Variants in IFT52 observed in about 807,000 individuals in gnomAD.
The protein encoded by IFT52 is intraflagellar transport 52.
A neutral mutation model predicts 54.4 loss-of-function variants in IFT52; 44 were observed. That is an observed-to-expected ratio of 0.81 (90% confidence interval 0.63 to 1.04). IFT52 has a LOEUF of 1.04. IFT52 is among the 50% of genes least tolerant of loss of function. IFT52 has a pLI of 0.00. For synonymous variants in IFT52, 181 were observed against 185.3 expected, an observed-to-expected ratio of 0.98 and a Z score of 0.19; for missense variants, 452 against 523.6, an observed-to-expected ratio of 0.86 and a Z score of 1.33.
intron 7 of IFT52, among the ~76,000 whole-genome samples, 165 bp from the exon 8 acceptor site, chr20:43,618,775 G>T (rs114926423): frequency 2.0e-5 from 3 of 152,012 alleles, no homozygotes; most frequent in Non-Finnish European, 2.9e-5. Context: ...GATCCACTGC[G>T]CCTGGCCTAT....
Position 43,635,037 on chromosome 20 carries a change from G to A in IFT52, c.924-889G>A, listed in dbSNP as rs572616880. Among the ~76,000 whole-genome samples the A allele has an allele frequency of 1.7e-4, 26 of 152,010 alleles. No homozygotes were observed. In the East Asian group the frequency reaches 3.9e-3, roughly 23 times the overall value. ...ACAAAAATTAGCTGGGTGTGGTGGCGCGTGCCTGTAATCCCAGCTACTTGG... is the reference window on the plus strand; with the variant it reads ...ACAAAAATTAGCTGGGTGTGGTGGCACGTGCCTGTAATCCCAGCTACTTGG... On this transcript the variant is annotated intron_variant, in intron 10 of 13. Coordinates refer to ENST00000373030, the MANE Select transcript of IFT52 (RefSeq NM_016004.5).
chr20:43,622,442 C>CA (rs11476747), intron 9 of IFT52, among the ~76,000 whole-genome samples: 79 of 148,374 alleles, frequency 5.3e-4, no homozygotes, highest in Non-Finnish European at 6.6e-4. Flanking sequence ...ACTAAAAATA[C>CA]AAAAAAAAAA....
chr20:43,627,874 C>T (rs1446658411), intron 10 of IFT52, among the ~76,000 whole-genome samples: 5 of 140,086 alleles, frequency 3.6e-5, no homozygotes, highest in African/African-American at 8.0e-5. Flanking sequence ...GCCTGGCCTT[C>T]GCTTTTATTT....
intron 6 of IFT52, among the ~76,000 whole-genome samples, chr20:43,612,767 CT>C (rs1435085157): frequency 2.6e-5 from 4 of 152,086 alleles, no homozygotes; most frequent in Non-Finnish European, 4.4e-5. Flanking sequence ...TTTTTGTTGT[CT>C]AAAGAAAAAG....
intron 10 of IFT52, among the ~76,000 whole-genome samples, chr20:43,630,439 C>A (rs1985078466): frequency 6.6e-6 from 1 of 152,128 alleles, no homozygotes; most frequent in South Asian, 2.1e-4. Context: ...ACAGCAGAGG[C>A]CAGTAGTTAC....
intron 10 of IFT52, among the ~76,000 whole-genome samples, chr20:43,633,794 G>A (rs944591169): frequency 1.3e-5 from 2 of 152,106 alleles, no homozygotes; most frequent in Non-Finnish European, 2.9e-5. Flanking sequence ...TGAAGTAGCT[G>A]TAAAGAATGA....
intron 3 of IFT52, among the ~76,000 whole-genome samples, chr20:43,598,313 G>A (rs555359534): frequency 2.6e-5 from 4 of 152,258 alleles, no homozygotes; most frequent in Middle Eastern, 3.4e-3. Flanking sequence ...GGAATGGAGC[G>A]TTGCTGCTTA....
intron 10 of IFT52, among the ~76,000 whole-genome samples, chr20:43,629,019 A>G (rs1470889034): frequency 6.6e-6 from 1 of 152,130 alleles, no homozygotes; most frequent in Non-Finnish European, 1.5e-5. Context: ...GTAGAGTGGT[A>G]TGTTTTCCTC....
In IFT52 at chr20:43,596,572, G is replaced by A. The variant is rs1475356217; in HGVS notation, c.207+50G>A. On this transcript the variant is annotated intron_variant, in intron 3 of 13. Coordinates refer to ENST00000373030, the MANE Select transcript of IFT52 (RefSeq NM_016004.5). ...AATATGGTGAAATGATTAGGAGTCT[G>A]AGCTTTGAAATACCGGATTTGAATC... 2.4e-6 allele frequency: 3 copies of A among 1,257,872 alleles called. No individual in the cohort carries two copies. In the South Asian group the frequency reaches 3.7e-5, roughly 16 times the overall value. 77.9% of individuals were successfully genotyped at this position (1,257,872 alleles called of 1,614,324 possible). A position where few individuals can be genotyped will look rare whatever the true frequency, so the allele number is the denominator to read the frequency against.
chr20:43,633,601 G>A (rs764679459), intron 10 of IFT52, among the ~76,000 whole-genome samples: 15 of 151,860 alleles, frequency 9.9e-5, no homozygotes, highest in African/African-American at 2.4e-4. Context: ...CTAGCTACTC[G>A]GGAGGTTGAG....
Position 43,604,240 on chromosome 20 carries a change from C to G in IFT52, c.395C>G (p.Ser132Cys), listed in dbSNP as rs1277958267. 6.2e-7 allele frequency: 1 copy of G among 1,610,420 alleles called. No homozygotes were observed. Among genetic ancestry groups the G allele is most frequent in the Non-Finnish European group, 8.5e-7 (1 of 1,176,830 alleles). ...TTCCATCCTAAAGAAGCTCTAGTTT[C>G]CAGTGGAGTCTTGAACAGGTAAGCA... is the stretch of plus-strand genomic sequence containing the variant. ...KYFHPKEALV[S>C]SGVLNREISR... The change falls in exon 5 of 14, where the codon TCC becomes TGC. Residue 132 changes from serine to cysteine, a missense_variant. Coordinates refer to ENST00000373030, the MANE Select transcript of IFT52 (RefSeq NM_016004.5).
intron 12 of IFT52, 52 bp from the exon 13 acceptor site, chr20:43,642,427 T>C (rs569725987): frequency 1.9e-6 from 3 of 1,561,238 alleles, no homozygotes; most frequent in African/African-American, 2.7e-5. Context: ...GTCTGTACTT[T>C]GGGAAGGGCA....
chr20:43,631,409 G>A (rs1424763624), intron 10 of IFT52, among the ~76,000 whole-genome samples: 1 of 152,218 alleles, frequency 6.6e-6, no homozygotes, highest in Non-Finnish European at 1.5e-5. Context: ...GGTGACAGCA[G>A]TGAGCTCATT....
chr20:43,598,493 G>A (rs1050216061), intron 3 of IFT52, among the ~76,000 whole-genome samples: 4 of 152,104 alleles, frequency 2.6e-5, no homozygotes, highest in Non-Finnish European at 5.9e-5. Flanking sequence ...CTAGGAGTTT[G>A]AGACCAGCTT....
chr20:43,608,427 C>A (rs2145214), intron 6 of IFT52, among the ~76,000 whole-genome samples: 118,368 of 152,040 alleles, frequency 0.78, 46,352 homozygotes, highest in Non-Finnish European at 0.81. Context: ...ATAGGATGAC[C>A]TTTAAAGTCT....
intron 6 of IFT52, among the ~76,000 whole-genome samples, chr20:43,607,649 C>T (rs550382130): frequency 7.7e-4 from 114 of 147,536 alleles, no homozygotes; most frequent in African/African-American, 2.8e-3. Flanking sequence ...CAGAGACGCT[C>T]CTCACTTTCC....
At chr20:43,600,607 T>C (rs1982362414) in intron 3 of IFT52, among the ~76,000 whole-genome samples, 1 of 152,200 alleles carries the variant, frequency 6.6e-6, no homozygotes, top group African/African-American at 2.4e-5. Flanking sequence ...TCTCTCAGTT[T>C]ACATGGTAGT....
At chr20:43,618,905 G>A (rs760474970) in intron 7 of IFT52, 35 bp from the exon 8 acceptor site, 1 of 1,450,384 alleles carries the variant, frequency 6.9e-7, no homozygotes, top group African/African-American at 1.4e-5. Flanking sequence ...TGCACTTTCG[G>A]ATTTGAGTAT....
intron 6 of IFT52, among the ~76,000 whole-genome samples, chr20:43,607,286 A>T (rs1163549191): frequency 3.4e-5 from 5 of 145,130 alleles, no homozygotes; most frequent in Admixed American, 6.8e-5. Flanking sequence ...TCCCTCCCGG[A>T]CGGGGCGGCT....
Sources: gnomAD v4.1 joint callset for allele counts (sites outside exome capture counted in the v4.1 genomes callset) on GRCh38, gnomAD v4.1.1 for gene constraint, MANE v1.5 for transcripts, NCBI Gene and HGNC (gene_info 2026-07-23, HGNC 2026-07-21) for gene names.